Variants in TRAF3 observed in about 807,000 individuals in gnomAD.
TRAF3 encodes the protein TNF receptor associated factor 3, also known as TNF receptor-associated factor 3.
Under a neutral mutation model 62.3 loss-of-function variants are expected in TRAF3, and 13 were observed. The ratio of observed to expected loss-of-function variants is 0.21; its 90% CI spans 0.14 to 0.33. The LOEUF (loss-of-function observed/expected upper bound fraction) is 0.33, where lower values mean the gene tolerates loss of function less well. Among genes scored for constraint, TRAF3 ranks in the 10% least tolerant of loss-of-function variants. The pLI is 1.00. For synonymous variants in TRAF3, 269 were observed against 283.4 expected (o/e 0.95, Z 0.51); for missense variants, 440 against 741.8 (o/e 0.59, Z 4.73).
Position 102,906,769 on chromosome 14 carries a change from C to T in TRAF3, c.*985C>T, listed in dbSNP as rs1566814014. On this transcript the variant is annotated 3_prime_UTR_variant, in exon 12 of 12. Coordinates refer to ENST00000392745, the MANE Select transcript of TRAF3 (RefSeq NM_145725.3). ...TGCTGACAGCACCGGCCTTCGGTCT[C>T]CATGTCAGGGGTGGGCGGGTGACTG... is the stretch of plus-strand genomic sequence containing the variant. 6.6e-6 allele frequency: 1 copy of T among 152,242 alleles called. No individual in the cohort carries two copies. The allele number at this position is 152,242 out of a possible 1,614,324, so 9.4% of individuals were successfully genotyped here.
intron 2 of TRAF3, among the ~76,000 whole-genome samples, chr14:102,856,337 G>T (rs1887368098): frequency 6.6e-6 from 1 of 152,122 alleles, no homozygotes; most frequent in South Asian, 2.1e-4. Context: ...TATGGGAAAG[G>T]GGTGGGCAGT....
intron 1 of TRAF3, among the ~76,000 whole-genome samples, chr14:102,814,072 T>C (rs1899364013): frequency 6.6e-6 from 1 of 152,234 alleles, no homozygotes; most frequent in African/African-American, 2.4e-5. Flanking sequence ...TCATTTTTAG[T>C]TCATTTTTGT....
intron 1 of TRAF3, among the ~76,000 whole-genome samples, chr14:102,785,520 A>G (rs964056192): frequency 4.6e-5 from 7 of 152,210 alleles, no homozygotes; most frequent in Non-Finnish European, 8.8e-5. Context: ...CTTGTTAGTG[A>G]TGAACAAGTC....
chr14:102,850,357 TAAGTA>T (rs1471968765), intron 2 of TRAF3, among the ~76,000 whole-genome samples: 5 of 151,928 alleles, frequency 3.3e-5, no homozygotes, highest in African/African-American at 1.2e-4. Flanking sequence ...TAGCAAACAG[TAAGTA>T]AAGTAATAGA....
intron 2 of TRAF3, among the ~76,000 whole-genome samples, chr14:102,831,955 G>A (rs1372575901): frequency 1.3e-5 from 2 of 152,176 alleles, no homozygotes; most frequent in African/African-American, 2.4e-5. Flanking sequence ...TTGATGAAAA[G>A]CACCTCCTGT....
At chr14:102,795,598 A>ATATGTGTGTGTG (rs1352573193) in intron 1 of TRAF3, among the ~76,000 whole-genome samples, 7 of 149,314 alleles carry the variant, frequency 4.7e-5, no homozygotes, top group Middle Eastern at 3.5e-3. Context: ...ATATGTATAT[A>ATATGTGTGTGTG]TGTGTGTGTG....
chr14:102,865,695 C>T (rs1002901309), intron 2 of TRAF3, among the ~76,000 whole-genome samples: 1 of 152,104 alleles, frequency 6.6e-6, no homozygotes, highest in Admixed American at 6.5e-5. Context: ...GACGGGGTTT[C>T]ACCATGTTGG....
intron 9 of TRAF3, chr14:102,895,164 G>A (rs1566804500): frequency 2.2e-6 from 1 of 454,876 alleles, no homozygotes; most frequent in Non-Finnish European, 4.4e-6. Context: ...CAACTACCAC[G>A]CGATGCTGCA....
chr14:102,788,341 A>G (rs1897609496), intron 1 of TRAF3, among the ~76,000 whole-genome samples: 1 of 152,170 alleles, frequency 6.6e-6, no homozygotes, highest in African/African-American at 2.4e-5. Flanking sequence ...TGTATTCACA[A>G]TGTTCTGCAA....
At chr14:102,802,211 G>A (rs1170940756) in intron 1 of TRAF3, among the ~76,000 whole-genome samples, 2 of 131,074 alleles carry the variant, frequency 1.5e-5, no homozygotes, top group Non-Finnish European at 3.2e-5. Flanking sequence ...CTGGAGTGCA[G>A]TGGCGCAATC....
chr14:102,828,625 T>C (rs1900469101), intron 1 of TRAF3, among the ~76,000 whole-genome samples: 1 of 152,252 alleles, frequency 6.6e-6, no homozygotes, highest in Non-Finnish European at 1.5e-5. Flanking sequence ...CATGCATATA[T>C]GTATTTTAAA....
chr14:102,842,642 A>G (rs1487608823), intron 2 of TRAF3, among the ~76,000 whole-genome samples: 1 of 152,226 alleles, frequency 6.6e-6, no homozygotes, highest in African/African-American at 2.4e-5. Context: ...CTCCAAACAG[A>G]GCAAATATAA....
intron 2 of TRAF3, among the ~76,000 whole-genome samples, chr14:102,832,860 T>C (rs1885731915): frequency 6.6e-6 from 1 of 152,144 alleles, no homozygotes; most frequent in Non-Finnish European, 1.5e-5. Context: ...AGATGTTGAA[T>C]TGATGTTTAA....
chr14:102,834,734 G>T (rs1022420111), intron 2 of TRAF3, among the ~76,000 whole-genome samples: 5 of 146,722 alleles, frequency 3.4e-5, no homozygotes, highest in African/African-American at 1.3e-4. Flanking sequence ...CCTACACCAT[G>T]CACAAAAATC....
chr14:102,862,710 CTCTCTG>C (rs1722528806), intron 2 of TRAF3, among the ~76,000 whole-genome samples: 1 of 151,572 alleles, frequency 6.6e-6, no homozygotes, highest in African/African-American at 2.4e-5. Flanking sequence ...GTCTTTTTTT[CTCTCTG>C]TCTTTCTAAG....
rs756255916 is a variant in TRAF3 at position 102,822,793 on chromosome 14, G to T, written c.-156-7541G>T. On this transcript the variant is annotated intron_variant, in intron 1 of 11. Coordinates refer to ENST00000392745, the MANE Select transcript of TRAF3 (RefSeq NM_145725.3). ...GGTGAAGGCGGGTGGATCACCTGAG[G>T]TCAGGAGTTCGAGACCCAGCCTGAC... Among the ~76,000 whole-genome samples the T allele has an allele frequency of 2.0e-5, 3 of 152,176 alleles. No individual in the cohort carries two copies. In the South Asian group the frequency reaches 6.2e-4, roughly 32 times the overall value.
chr14:102,841,624 T>TC (rs760342001), intron 2 of TRAF3, among the ~76,000 whole-genome samples: 29 of 152,144 alleles, frequency 1.9e-4, no homozygotes, highest in Non-Finnish European at 3.8e-4. Context: ...GATTACATTA[T>TC]CAGAACCAAA....
chr14:102,779,798 C>T (rs922605716), intron 1 of TRAF3, among the ~76,000 whole-genome samples: 6 of 152,266 alleles, frequency 3.9e-5, no homozygotes, highest in African/African-American at 1.2e-4. Context: ...ATTTGCCCAA[C>T]TCTATTTTCT....
In TRAF3 at chr14:102,877,793, C is replaced by T. The variant is rs183026187; in HGVS notation, c.570+1268C>T. ...CGCTCAGCTCATAGATAATCCATTC[C>T]ACAGGCCTTCCGCTCAGCTCATAGG... is the stretch of plus-strand genomic sequence containing the variant. On this transcript the variant is annotated intron_variant, in intron 6 of 11. Coordinates refer to ENST00000392745, the MANE Select transcript of TRAF3 (RefSeq NM_145725.3). 5.6e-3 allele frequency among the ~76,000 whole-genome samples: 857 copies of T among 151,952 alleles called. 8 individuals are homozygous for T. The highest frequency in any genetic ancestry group is 9.8e-3 in the Admixed American group (149 of 15,238).
Sources: allele counts gnomAD v4.1 joint callset (sites outside exome capture counted in the v4.1 genomes callset), GRCh38; gene constraint gnomAD v4.1.1; transcripts MANE v1.5; gene names NCBI Gene and HGNC (gene_info 2026-07-23, HGNC 2026-07-21).